The following CELF2 variants were observed in gnomAD, a reference collection of about 807,000 sequenced individuals.
CELF2 encodes CUGBP Elav-like family member 2.
Under a neutral mutation model 62.6 loss-of-function variants are expected in CELF2, and 8 were observed. The ratio of observed to expected loss-of-function variants is 0.13; its 90% CI spans 0.07 to 0.23. The LOEUF (loss-of-function observed/expected upper bound fraction) is 0.23, where lower values mean the gene tolerates loss of function less well. Ranked by LOEUF, CELF2 falls within the 10% of genes least tolerant of loss-of-function variation. The pLI is 1.00. For missense variants in CELF2, 333 were observed against 671.0 expected, an observed-to-expected ratio of 0.50 and a Z score of 5.56; for synonymous variants, 258 against 250.0, an observed-to-expected ratio of 1.03 and a Z score of -0.30.
In CELF2 at chr10:11,246,324, T is replaced by C. The variant is rs563536181; in HGVS notation, c.355-2829T>C. On this transcript the variant is annotated intron_variant, in intron 3 of 12. Coordinates refer to ENST00000633077, the MANE Select transcript of CELF2 (RefSeq NM_001326342.2). The surrounding 1 kb of genome is among the most constrained non-coding windows in gnomAD (Gnocchi z 4.6). ...TGAACCTGTGAATCTCAGTGGACTC[T>C]TTTCAGCAGATGAACCTGTATAAGT... 6.6e-6 allele frequency among the ~76,000 whole-genome samples: 1 copy of C among 152,252 alleles called. No homozygotes were observed. The highest frequency in any genetic ancestry group is 1.9e-4 in the East Asian group (1 of 5,178).
chr10:10,820,308 A>G (rs2056851735), intron 1 of CELF2, among the ~76,000 whole-genome samples: 2 of 152,186 alleles, frequency 1.3e-5, no homozygotes, highest in South Asian at 4.1e-4. Flanking sequence ...ATCATTTAAA[A>G]AGGGAAAAAT....
chr10:10,541,021 C>T, the CELF2 span, among the ~76,000 whole-genome samples: 1 of 151,564 alleles, frequency 6.6e-6, no homozygotes, highest in Non-Finnish European at 1.5e-5. Context: ...GTGGGTGGAT[C>T]ATTTGAGGTC....
At chr10:11,257,902 C>T in intron 5 of CELF2, 30 bp downstream of exon 5, 6 of 1,612,368 alleles carry the variant, frequency 3.7e-6, no homozygotes, top group South Asian at 1.1e-5. Context: ...AGCCTCTCCC[C>T]TTCAGTGCTA....
At chr10:10,554,740 A>G in the CELF2 span, among the ~76,000 whole-genome samples, 1 of 152,084 alleles carries the variant, frequency 6.6e-6, no homozygotes, top group African/African-American at 2.4e-5. Context: ...ATTTCCCTCA[A>G]TTAAGTTCAC....
intron 1 of CELF2, among the ~76,000 whole-genome samples, chr10:11,020,376 A>G (rs1358637712): frequency 6.6e-6 from 1 of 152,256 alleles, no homozygotes; most frequent in African/African-American, 2.4e-5. Context: ...GCATGCTTTT[A>G]TATATCGTTC....
At chr10:10,698,783 A>T in the CELF2 span, among the ~76,000 whole-genome samples, 1 of 152,222 alleles carries the variant, frequency 6.6e-6, no homozygotes, top group Middle Eastern at 3.2e-3. Flanking sequence ...CCATCCTTAC[A>T]CGCCAACACA....
the CELF2 span, among the ~76,000 whole-genome samples, chr10:10,751,164 C>A: frequency 0.032 from 4,897 of 152,278 alleles, 415 homozygotes; most frequent in East Asian, 0.31. Flanking sequence ...CCTGTGGGAG[C>A]AAAACCTTTC....
At chr10:10,854,514 C>T (rs946454766) in intron 1 of CELF2, among the ~76,000 whole-genome samples, 19 of 152,182 alleles carry the variant, frequency 1.2e-4, no homozygotes. Flanking sequence ...AAGGAACCCA[C>T]TCCGGGATCC....
At chr10:11,292,031 T>C (rs1053033260) in intron 9 of CELF2, among the ~76,000 whole-genome samples, 1 of 152,336 alleles carries the variant, frequency 6.6e-6, no homozygotes, top group Admixed American at 6.5e-5. Context: ...AGTGCAGACT[T>C]GACCAAGTAC....
At chr10:10,577,514 C>T in the CELF2 span, among the ~76,000 whole-genome samples, 4 of 151,384 alleles carry the variant, frequency 2.6e-5, no homozygotes, top group Non-Finnish European at 5.9e-5. Context: ...CCCCCCTCAC[C>T]CCACCCCACA....
At chr10:10,690,129 T>C in the CELF2 span, among the ~76,000 whole-genome samples, 1 of 152,210 alleles carries the variant, frequency 6.6e-6, no homozygotes, top group Non-Finnish European at 1.5e-5. Context: ...CTGACCTCTC[T>C]CCTCTTCTTC....
At chr10:10,481,101 G>GA in the CELF2 span, among the ~76,000 whole-genome samples, 4 of 151,768 alleles carry the variant, frequency 2.6e-5, no homozygotes, top group Non-Finnish European at 4.4e-5. Flanking sequence ...TTAGTACTTT[G>GA]AAAAAAAATT....
chr10:10,692,385 A>C, the CELF2 span, among the ~76,000 whole-genome samples: 1 of 151,052 alleles, frequency 6.6e-6, no homozygotes, highest in African/African-American at 2.4e-5. Flanking sequence ...TTTTGGTACC[A>C]GTGCCATGCT....
chr10:11,005,907 G>C lies in CELF2; in HGVS notation c.53+467G>C, dbSNP rs1483177946. ...CTTAGCCTACCTAAATAGTCCTCCT[G>C]TGTTACCAGGTTTGGATCACTTTAT... On this transcript the variant is annotated intron_variant, in intron 1 of 12. Coordinates refer to the CELF2 transcript ENST00000416382. The surrounding 1 kb of genome is among the most constrained non-coding windows in gnomAD (Gnocchi z 4.3). 6.6e-6 allele frequency among the ~76,000 whole-genome samples: 1 copy of C among 152,160 alleles called. No individual in the cohort carries two copies. The highest frequency in any genetic ancestry group is 1.9e-4 in the East Asian group (1 of 5,198).
In CELF2 at chr10:11,270,278, G is replaced by A. The variant is rs774004199; in HGVS notation, c.619-388G>A. ...TTGTCCTCTGTCCACCTGTGGACAC[G>A]GGCAGACACACAAAGCCAAGTCTGT... On this transcript the variant is annotated intron_variant, in intron 6 of 12. Coordinates refer to ENST00000633077, the MANE Select transcript of CELF2 (RefSeq NM_001326342.2). This position sits in a 1 kb window ranked among gnomAD's most constrained non-coding sequence, Gnocchi z 5.8. Among the ~76,000 whole-genome samples, 5 of 152,174 alleles carry A rather than the reference G, an allele frequency of 3.3e-5. No homozygotes were observed. Among genetic ancestry groups the A allele is most frequent in the Non-Finnish European group, 2.9e-5 (2 of 68,022 alleles).
At chr10:10,628,921 G>T in the CELF2 span, among the ~76,000 whole-genome samples, 1 of 152,146 alleles carries the variant, frequency 6.6e-6, no homozygotes. Context: ...GAAAGAAAAG[G>T]ATCCTGACTA....
At chr10:10,462,602 TAA>T in the CELF2 span, among the ~76,000 whole-genome samples, 2 of 143,212 alleles carry the variant, frequency 1.4e-5, no homozygotes, top group African/African-American at 2.5e-5. Flanking sequence ...AAAACGAGTT[TAA>T]TTTTTTTCAT....
At chr10:11,135,711 A>G (rs772855560) in intron 1 of CELF2, among the ~76,000 whole-genome samples, 1 of 152,162 alleles carries the variant, frequency 6.6e-6, no homozygotes, top group Non-Finnish European at 1.5e-5. Flanking sequence ...GAAATCCATC[A>G]TTACTGCTCC....
the CELF2 span, among the ~76,000 whole-genome samples, chr10:10,529,866 C>A: frequency 6.6e-6 from 1 of 152,148 alleles, no homozygotes; most frequent in Non-Finnish European, 1.5e-5. Context: ...TATGAACAGA[C>A]TCCAAGGCAG....
Sources: allele counts gnomAD v4.1 joint callset (sites outside exome capture counted in the v4.1 genomes callset), GRCh38; gene constraint gnomAD v4.1.1; non-coding constraint Gnocchi (gnomAD v3.1); transcripts MANE v1.5; gene names NCBI Gene and HGNC (gene_info 2026-07-23, HGNC 2026-07-21).